PAM: variants seen among roughly 807,000 people sequenced by gnomAD.
The protein encoded by PAM is peptidylglycine alpha-amidating monooxygenase.
In PAM, 72 loss-of-function variants were observed where a neutral mutation model predicts 122.1. The ratio of observed to expected loss-of-function variants is 0.59; its 90% CI spans 0.49 to 0.72. PAM has a LOEUF of 0.72. Among genes scored for constraint, PAM ranks in the 30% least tolerant of loss-of-function variants. The probability of loss-of-function intolerance (pLI) is 0.00; values close to 1 mark genes in which losing one functional copy is unlikely to be tolerated. For missense variants in PAM, 1,106 were observed against 1,183.7 expected, an observed-to-expected ratio of 0.93 and a Z score of 0.96; for synonymous variants, 389 against 404.4, an observed-to-expected ratio of 0.96 and a Z score of 0.46.
chr5:102,973,086 C>T (rs894345874), intron 14 of PAM, among the ~76,000 whole-genome samples: 1 of 152,108 alleles, frequency 6.6e-6, no homozygotes, highest in Admixed American at 6.5e-5. Flanking sequence ...TCTAATTGTG[C>T]TGTAAATGTA....
rs1226429779 is a variant in PAM at position 102,974,313 on chromosome 5, G to C, written c.1360G>C (p.Val454Leu). The C allele has an allele frequency of 3.7e-6, 6 of 1,613,754 alleles. No individual in the cohort carries two copies. The highest frequency in any genetic ancestry group is 5.1e-6 in the Non-Finnish European group (6 of 1,179,662). The part of the protein sequence containing the change: ...AEHERGNAIL[V>L]RDRIHKFHRL... The stretch of plus-strand genomic sequence containing the variant: ...ACATGAGAGGGGTAATGCTATTCTT[G>C]TCAGAGACAGAATTCACAAATTCCA... Residue 454 changes from valine (V) to leucine (L), a missense_variant, in exon 15 of 26, where the codon GTC becomes CTC. Coordinates refer to ENST00000438793, the MANE Select transcript of PAM (RefSeq NM_001177306.2).
In PAM at chr5:102,974,103, C is replaced by T. The variant is rs1562094916; in HGVS notation, c.1163-13C>T. ...TACCCTCCACGCCCTTATCTCTTCT[C>T]TTTTTTCCACAGGTGATTTCTATTC... On this transcript the variant is annotated splice_polypyrimidine_tract_variant and intron_variant, in intron 14 of 25. Coordinates refer to ENST00000438793, the MANE Select transcript of PAM (RefSeq NM_001177306.2). The T allele has an allele frequency of 1.2e-6, 2 of 1,601,274 alleles. No homozygotes were observed. The highest frequency in any genetic ancestry group is 3.4e-5 in the Admixed American group (2 of 59,304).
In PAM at chr5:102,959,948, A is replaced by T; in HGVS notation, c.979A>T (p.Met327Leu). The change falls in exon 13 of 26, where the codon ATG becomes TTG. Residue 327 changes from methionine to leucine, a missense_variant. This residue lies in a region of PAM where 670 missense variants were observed against 690.3 expected (regional missense o/e 0.97). Coordinates refer to ENST00000438793, the MANE Select transcript of PAM (RefSeq NM_001177306.2). ...YMEAKHAVSF[M>L]TCTQNVAPDM... is the part of the protein sequence containing the mutation. ...GGAAGCCAAGCATGCAGTTTCTTTCATGACCTGTACCCAGAATGTAGCTCC... is the reference window on the plus strand; with the variant it reads ...GGAAGCCAAGCATGCAGTTTCTTTCTTGACCTGTACCCAGAATGTAGCTCC... 6.2e-7 allele frequency: 1 copy of T among 1,612,124 alleles called. No individual in the cohort carries two copies. The highest frequency in any genetic ancestry group is 1.1e-5 in the South Asian group (1 of 91,028).
chr5:102,916,179 T>A (rs73175458), intron 5 of PAM, among the ~76,000 whole-genome samples: 19,661 of 151,990 alleles, frequency 0.13, 3,128 homozygotes, highest in African/African-American at 0.37. Flanking sequence ...TAGGCCATTT[T>A]TAAAGCCTCT....
intron 4 of PAM, among the ~76,000 whole-genome samples, chr5:102,903,296 G>A (rs1419282709): frequency 2.0e-5 from 3 of 151,498 alleles, no homozygotes; most frequent in Non-Finnish European, 4.4e-5. Flanking sequence ...CTATGCCCAG[G>A]TGGTTTGTGG....
chr5:102,852,342 T>C (rs1444180474), intron 1 of PAM, among the ~76,000 whole-genome samples: 1 of 152,140 alleles, frequency 6.6e-6, no homozygotes, highest in Non-Finnish European at 1.5e-5. Context: ...AGAATAAATA[T>C]GAAAAAAGAA....
chr5:102,816,390 C>T (rs1279625134), intron 1 of PAM, among the ~76,000 whole-genome samples: 2 of 152,116 alleles, frequency 1.3e-5, no homozygotes, highest in Non-Finnish European at 2.9e-5. Context: ...ACTGTGATGC[C>T]ACACTGGTAC....
intron 5 of PAM, among the ~76,000 whole-genome samples, chr5:102,922,791 A>C (rs1240011562): frequency 6.6e-6 from 1 of 152,172 alleles, no homozygotes; most frequent in Non-Finnish European, 1.5e-5. Flanking sequence ...TGCCACCCAA[A>C]TCTTTAAATT....
intron 1 of PAM, among the ~76,000 whole-genome samples, chr5:102,812,779 A>G (rs1768352177): frequency 6.6e-6 from 1 of 152,136 alleles, no homozygotes; most frequent in African/African-American, 2.4e-5. Context: ...AAACATGAAA[A>G]TCAGCTGGCT....
chr5:102,885,580 A>G (rs1025763898), intron 3 of PAM, among the ~76,000 whole-genome samples: 3 of 151,988 alleles, frequency 2.0e-5, no homozygotes, highest in East Asian at 3.9e-4. Context: ...GAAGTTAACA[A>G]ATAGTCTCTA....
chr5:102,980,902 G>A (rs17154893), intron 15 of PAM, among the ~76,000 whole-genome samples: 52,571 of 151,998 alleles, frequency 0.35, 9,405 homozygotes, highest in East Asian at 0.43. Flanking sequence ...TCAGTACTAA[G>A]AGAACCAGGT....
At chr5:102,890,348 A>ATTTGCTT (rs1340073650) in intron 3 of PAM, among the ~76,000 whole-genome samples, 4 of 151,850 alleles carry the variant, frequency 2.6e-5, no homozygotes, top group Non-Finnish European at 5.9e-5. Flanking sequence ...TTGTCAGCTT[A>ATTTGCTT]TTATCTATTG....
At chr5:102,805,844 T>TTCCA (rs1182493863) in intron 1 of PAM, among the ~76,000 whole-genome samples, 1 of 152,180 alleles carries the variant, frequency 6.6e-6, no homozygotes, top group Non-Finnish European at 1.5e-5. Context: ...AATTAGGGAA[T>TTCCA]GGAGGTTGGA....
intron 1 of PAM, among the ~76,000 whole-genome samples, chr5:102,774,847 A>C (rs1276765491): frequency 6.6e-6 from 1 of 152,022 alleles, no homozygotes; most frequent in Non-Finnish European, 1.5e-5. Flanking sequence ...ATTTTTGTGT[A>C]AGTCAGTTAT....
At position 102,866,190 on chromosome 5, in the gene PAM, G is replaced by A; in HGVS notation, c.-6G>A. The A allele has an allele frequency of 2.5e-6, 4 of 1,608,882 alleles. No individual in the cohort carries two copies. The highest frequency in any genetic ancestry group is 3.3e-5 in the Admixed American group (2 of 60,022). ...CCTCTCCCGGCGGGGTCGTATCGGC[G>A]TGGACATGGCTGGCCGCGTCCCTAG... On this transcript the variant is annotated 5_prime_UTR_variant, in exon 2 of 26. In the 5' UTR this introduces an upstream ATG that the reference lacks. Coordinates refer to ENST00000438793, the MANE Select transcript of PAM (RefSeq NM_001177306.2).
intron 3 of PAM, among the ~76,000 whole-genome samples, chr5:102,887,119 C>CAAG (rs1173187721): frequency 6.6e-6 from 1 of 151,814 alleles, no homozygotes. Flanking sequence ...GTGGTTTGTC[C>CAAG]CCACCAGAAC....
In PAM at chr5:103,006,905, G is replaced by A. The variant is rs1486273072; in HGVS notation, c.1908G>A (p.Val636=). Residue 636 remains valine, a synonymous_variant, in exon 19 of 26, where the codon GTG becomes GTA. Transcript: ENST00000438793. ...DQNHFCQPTD[V]AVDPGTGAIY... ...ATCACTTCTGTCAACCCACTGATGT[G>A]GCTGTGGATCCAGGCACTGGAGCCA... 1 of 1,613,712 alleles carries A rather than the reference G, an allele frequency of 6.2e-7. No homozygotes were observed. The highest frequency in any genetic ancestry group is 1.7e-5 in the Admixed American group (1 of 60,008).
intron 7 of PAM, among the ~76,000 whole-genome samples, chr5:102,934,121 T>C (rs1389125932): frequency 6.6e-6 from 1 of 152,208 alleles, no homozygotes; most frequent in African/African-American, 2.4e-5. Context: ...ATACTTTCCA[T>C]ATTTAAGAAT....
intron 1 of PAM, among the ~76,000 whole-genome samples, chr5:102,760,309 T>C (rs754206072): frequency 6.6e-6 from 1 of 152,180 alleles, no homozygotes; most frequent in Non-Finnish European, 1.5e-5. Flanking sequence ...ACTATGCTGA[T>C]ACTACTGCTA....
Sources: gnomAD v4.1 joint callset for allele counts (sites outside exome capture counted in the v4.1 genomes callset) on GRCh38, gnomAD v4.1.1 for gene constraint, gnomAD v4.1.1 regional missense constraint, MANE v1.5 for transcripts, NCBI Gene and HGNC (gene_info 2026-07-23, HGNC 2026-07-21) for gene names.